The following SCHIP1 variants were observed in gnomAD, a reference collection of about 807,000 sequenced individuals.
SCHIP1 encodes schwannomin interacting protein 1.
In SCHIP1, 8 loss-of-function variants were observed where a neutral mutation model predicts 29.7. That is an observed-to-expected ratio of 0.27 (90% confidence interval 0.16 to 0.49). The LOEUF (loss-of-function observed/expected upper bound fraction) is 0.49, where lower values mean the gene tolerates loss of function less well. SCHIP1 is among the 20% of genes least tolerant of loss of function. The probability of loss-of-function intolerance (pLI) is 0.99; values close to 1 mark genes in which losing one functional copy is unlikely to be tolerated. For missense variants in SCHIP1, 193 were observed against 294.6 expected (o/e 0.66, Z 2.52); for synonymous variants, 76 against 94.9 (o/e 0.80, Z 1.16).
At chr3:159,501,934 A>G in the SCHIP1 span, among the ~76,000 whole-genome samples, 1 of 152,182 alleles carries the variant, frequency 6.6e-6, no homozygotes, top group Admixed American at 6.5e-5. Context: ...TCATACAGCA[A>G]CTTTTGACTC....
chr3:159,445,579 T>A, the SCHIP1 span, among the ~76,000 whole-genome samples: 1 of 152,110 alleles, frequency 6.6e-6, no homozygotes, highest in Non-Finnish European at 1.5e-5. Context: ...CATGTACACG[T>A]ATGTTTATTG....
the SCHIP1 span, among the ~76,000 whole-genome samples, chr3:159,449,898 A>G: frequency 6.6e-6 from 1 of 152,094 alleles, no homozygotes; most frequent in African/African-American, 2.4e-5. Context: ...GGGAAGAAAA[A>G]GAGAAGAAAA....
chr3:159,455,342 C>T, the SCHIP1 span, among the ~76,000 whole-genome samples: 6 of 152,198 alleles, frequency 3.9e-5, no homozygotes, highest in African/African-American at 1.4e-4. Flanking sequence ...TGGAGGACTT[C>T]AGCTAACTGG....
the SCHIP1 span, among the ~76,000 whole-genome samples, chr3:159,766,710 C>G: frequency 1.3e-5 from 2 of 152,070 alleles, no homozygotes. Context: ...TTTTGAGCAC[C>G]CATGTATGTG....
At chr3:159,692,060 C>T in the SCHIP1 span, among the ~76,000 whole-genome samples, 3 of 128,932 alleles carry the variant, frequency 2.3e-5, no homozygotes, top group African/African-American at 6.1e-5. Flanking sequence ...CTCGCTCTGT[C>T]GCCCAGGCCG....
the SCHIP1 span, among the ~76,000 whole-genome samples, chr3:159,556,578 C>G: frequency 6.6e-6 from 1 of 151,912 alleles, no homozygotes; most frequent in African/African-American, 2.4e-5. Context: ...CCATGGAACA[C>G]TATGCAGCCA....
At chr3:159,611,534 T>TGGGGGGGG in the SCHIP1 span, among the ~76,000 whole-genome samples, 1 of 11,808 alleles carries the variant, frequency 8.5e-5, no homozygotes, top group Non-Finnish European at 1.6e-4. Context: ...TGTTGGGGGG[T>TGGGGGGGG]GGGGGGGAAG....
chr3:159,617,794 C>G, the SCHIP1 span, among the ~76,000 whole-genome samples: 1 of 152,138 alleles, frequency 6.6e-6, no homozygotes, highest in Non-Finnish European at 1.5e-5. Flanking sequence ...TGCTTATGAA[C>G]AATAAATTTT....
the SCHIP1 span, among the ~76,000 whole-genome samples, chr3:159,665,558 G>A: frequency 6.6e-6 from 1 of 151,968 alleles, no homozygotes; most frequent in African/African-American, 2.4e-5. Flanking sequence ...GTGTGTGTGT[G>A]TGTGTGTGTG....
the SCHIP1 span, among the ~76,000 whole-genome samples, chr3:159,486,138 G>T: frequency 6.6e-6 from 1 of 152,180 alleles, no homozygotes; most frequent in East Asian, 1.9e-4. Context: ...GGTTACCTTT[G>T]TGTGTGTGGT....
the SCHIP1 span, among the ~76,000 whole-genome samples, chr3:159,322,230 T>C: frequency 1.3e-5 from 2 of 152,142 alleles, no homozygotes; most frequent in Admixed American, 1.3e-4. Context: ...GAAGACACCA[T>C]TTTGGTGTTT....
intron 1 of SCHIP1, among the ~76,000 whole-genome samples, chr3:159,851,114 A>C (rs1712574118): frequency 6.6e-6 from 1 of 152,002 alleles, no homozygotes; most frequent in Non-Finnish European, 1.5e-5. Context: ...TCCCTACAAA[A>C]AATTTTTTAA....
At chr3:159,622,821 G>C in the SCHIP1 span, among the ~76,000 whole-genome samples, 1 of 152,224 alleles carries the variant, frequency 6.6e-6, no homozygotes, top group East Asian at 1.9e-4. Flanking sequence ...GGCAGGCAGA[G>C]GCAGGAGAAT....
chr3:159,418,537 T>C, the SCHIP1 span, among the ~76,000 whole-genome samples: 1 of 152,236 alleles, frequency 6.6e-6, no homozygotes, highest in Non-Finnish European at 1.5e-5. Flanking sequence ...TACAGGAATT[T>C]GATATTTATT....
chr3:159,381,765 T>G, the SCHIP1 span, among the ~76,000 whole-genome samples: 3 of 152,054 alleles, frequency 2.0e-5, no homozygotes, highest in Admixed American at 1.3e-4. Context: ...CTGGCTAATT[T>G]TTTATATTTT....
the SCHIP1 span, among the ~76,000 whole-genome samples, chr3:159,448,700 A>G: frequency 6.6e-6 from 1 of 152,184 alleles, no homozygotes; most frequent in Non-Finnish European, 1.5e-5. Context: ...AAACGAAACT[A>G]TCATTTTGTA....
the SCHIP1 span, among the ~76,000 whole-genome samples, chr3:159,525,652 G>A: frequency 7.9e-5 from 12 of 152,188 alleles, no homozygotes; most frequent in African/African-American, 2.9e-4. Context: ...AGAAGATGCT[G>A]GAGAGAAAGG....
chr3:159,276,455 C>G, the SCHIP1 span, among the ~76,000 whole-genome samples: 9 of 152,168 alleles, frequency 5.9e-5, no homozygotes, highest in South Asian at 1.9e-3. Context: ...CCCTAGCATC[C>G]CAGAGAATCA....
the SCHIP1 span, among the ~76,000 whole-genome samples, chr3:159,291,627 C>T: frequency 2.6e-5 from 4 of 152,152 alleles, no homozygotes; most frequent in Admixed American, 1.3e-4. Flanking sequence ...AATTATTCAT[C>T]AATCTCAGCA....
Sources: gnomAD v4.1 joint callset for allele counts (sites outside exome capture counted in the v4.1 genomes callset) on GRCh38, gnomAD v4.1.1 for gene constraint, MANE v1.5 for transcripts, NCBI Gene and HGNC (gene_info 2026-07-23, HGNC 2026-07-21) for gene names.